The following POU6F2 variants were observed in gnomAD, a reference collection of about 807,000 sequenced individuals.
POU6F2 encodes POU domain, class 6, transcription factor 2.
In POU6F2, 31 loss-of-function variants were observed where a neutral mutation model predicts 71.3. The observed-to-expected ratio is 0.43, with a 90% CI of 0.33 to 0.59. The LOEUF is 0.59. POU6F2 is among the 20% of genes least tolerant of loss of function. POU6F2 has a pLI of 0.04. For missense variants in POU6F2, 783 were observed against 856.8 expected (o/e 0.91, Z 1.07); for synonymous variants, 347 against 355.7 (o/e 0.98, Z 0.27).
chr7:39,011,188 C>A (rs1789272819), intron 1 of POU6F2, among the ~76,000 whole-genome samples: 1 of 140,382 alleles, frequency 7.1e-6, no homozygotes, highest in Non-Finnish European at 1.6e-5. Context: ...TCAGGACTTG[C>A]TTTATGAATC....
intron 2 of POU6F2, among the ~76,000 whole-genome samples, chr7:39,139,088 C>T (rs1266344565): frequency 1.3e-5 from 2 of 152,244 alleles, no homozygotes; most frequent in Non-Finnish European, 2.9e-5. Flanking sequence ...AATTTTTGAA[C>T]CAGGGGCCCT....
At chr7:39,108,716 C>T (rs537397820) in intron 2 of POU6F2, among the ~76,000 whole-genome samples, 51 of 152,192 alleles carry the variant, frequency 3.4e-4, no homozygotes, top group African/African-American at 1.1e-3. Context: ...TAGTATCTAT[C>T]TACAGATTCT....
chr7:39,291,075 A>C (rs1418184496), intron 4 of POU6F2, among the ~76,000 whole-genome samples: 1 of 151,534 alleles, frequency 6.6e-6, no homozygotes, highest in African/African-American at 2.4e-5. Context: ...ATCATTGCTT[A>C]AGGTTTAAAC....
chr7:39,465,144 C>T lies in POU6F2; in HGVS notation c.*458C>T. On this transcript the variant is annotated 3_prime_UTR_variant, in exon 10 of 10. Transcript: ENST00000518318. ...TGATCTGTTCAAAGCGAATACAAGC[C>T]TGCCACCTGGAGGAAGGACTGCACC... 6.4e-6 allele frequency: 1 copy of T among 156,938 alleles called. No individual in the cohort carries two copies. Among genetic ancestry groups the T allele is most frequent in the Non-Finnish European group, 1.4e-5 (1 of 70,850 alleles). The allele number at this position is 156,938 out of a possible 1,614,324, so 9.7% of individuals were successfully genotyped here.
In POU6F2 at chr7:39,109,245, G is replaced by T. The variant is rs552009062; in HGVS notation, c.277+23214G>T. Among the ~76,000 whole-genome samples, 200 of 152,136 alleles carry T rather than the reference G, an allele frequency of 1.3e-3. 1 individual carries two copies. Among genetic ancestry groups the T allele is most frequent in the African/African-American group, 4.4e-3 (181 of 41,506 alleles). ...TTGTAGAGACTTTGCTATGTTGCCC[G>T]GGCTGGTCTTGAACTCCTGGGCTCA... On this transcript the variant is annotated intron_variant, in intron 2 of 9. Coordinates refer to ENST00000518318, the MANE Select transcript of POU6F2 (RefSeq NM_001370959.1).
In POU6F2 at chr7:39,466,703, C is replaced by T. The variant is rs1322860586; in HGVS notation, c.*2017C>T. 3 of 152,186 alleles carry T rather than the reference C, an allele frequency of 2.0e-5. No individual in the cohort carries two copies. The highest frequency in any genetic ancestry group is 2.9e-5 in the Non-Finnish European group (2 of 68,040). The allele number at this position is 152,186 out of a possible 1,614,324, so 9.4% of individuals were successfully genotyped here. On this transcript the variant is annotated 3_prime_UTR_variant, in exon 10 of 10. Transcript: ENST00000518318. ...CCCCTCCAATGATTCATGCAGCAAT[C>T]AAGAGACTACCAGCAAGGAAACTCT...
At chr7:39,370,931 CCTT>C (rs1329561039) in intron 5 of POU6F2, among the ~76,000 whole-genome samples, 12 of 152,164 alleles carry the variant, frequency 7.9e-5, no homozygotes, top group Non-Finnish European at 1.5e-4. Context: ...AAATACATCT[CCTT>C]CTCAATATGT....
intron 9 of POU6F2, among the ~76,000 whole-genome samples, chr7:39,461,283 G>T (rs1372664734): frequency 6.6e-6 from 1 of 152,068 alleles, no homozygotes; most frequent in Non-Finnish European, 1.5e-5. Flanking sequence ...CTCAGAAAAG[G>T]GTAGTGAGAA....
At chr7:39,180,637 G>A (rs1793418171) in intron 2 of POU6F2, among the ~76,000 whole-genome samples, 1 of 152,254 alleles carries the variant, frequency 6.6e-6, no homozygotes, top group Non-Finnish European at 1.5e-5. Flanking sequence ...CTGGCTTCAT[G>A]GCTGTGTGAT....
chr7:39,250,660 G>T (rs1329935043), intron 4 of POU6F2, among the ~76,000 whole-genome samples: 4 of 152,170 alleles, frequency 2.6e-5, no homozygotes, highest in Non-Finnish European at 2.9e-5. Context: ...CCATGGGGCT[G>T]ATAGCACCTT....
chr7:39,177,358 G>C (rs935054571), intron 2 of POU6F2, among the ~76,000 whole-genome samples: 18 of 152,172 alleles, frequency 1.2e-4, no homozygotes, highest in African/African-American at 4.3e-4. Flanking sequence ...ACCTGTGTTA[G>C]AGGAATTCTG....
intron 2 of POU6F2, among the ~76,000 whole-genome samples, chr7:39,149,742 A>G (rs2128733858): frequency 6.6e-6 from 1 of 152,190 alleles, no homozygotes; most frequent in South Asian, 2.1e-4. Flanking sequence ...CTTTATATAT[A>G]TGTGTGTGTA....
At chr7:39,337,957 G>A (rs1322050006) in intron 4 of POU6F2, among the ~76,000 whole-genome samples, 1 of 152,172 alleles carries the variant, frequency 6.6e-6, no homozygotes, top group Non-Finnish European at 1.5e-5. Context: ...CTACCCGTCT[G>A]CCAACATCTA....
At chr7:39,346,316 G>A (rs1046590218) in intron 5 of POU6F2, among the ~76,000 whole-genome samples, 1 of 152,150 alleles carries the variant, frequency 6.6e-6, no homozygotes, top group East Asian at 1.9e-4. Flanking sequence ...CATGTAGAAA[G>A]GGGTTTAACA....
chr7:39,089,301 T>G (rs1791316808), intron 2 of POU6F2, among the ~76,000 whole-genome samples: 1 of 152,216 alleles, frequency 6.6e-6, no homozygotes, highest in South Asian at 2.1e-4. Flanking sequence ...TATCTCCTTT[T>G]TCAGTTCATG....
rs760205418 is a variant in POU6F2, at chr7:39,406,625, A to AGGCTGCAGC, written c.1008_1016dup (p.Ala338_Ala340dup). The AGGCTGCAGC allele has an allele frequency of 6.8e-6, 11 of 1,613,374 alleles. No homozygotes were observed. The East Asian group carries it at 1.3e-4, about 20-fold the overall frequency. ...CTGGTTAATAATCCACTAGCAAGTC[A>AGGCTGCAGC]GGCTGCAGCGGCTGCAGCAGCCATG... On this transcript the variant is annotated inframe_insertion, in exon 6 of 10. Coordinates refer to ENST00000518318, the MANE Select transcript of POU6F2 (RefSeq NM_001370959.1).
Position 39,328,328 on chromosome 7 carries a change from A to G in POU6F2, c.599-11314A>G, listed in dbSNP as rs1246312829. ...GATCTCCCAAATAATTTTTTTGGCCATTGGACACTTGTTTTTCATGGAACA... is the reference window on the plus strand; with the variant it reads ...GATCTCCCAAATAATTTTTTTGGCCGTTGGACACTTGTTTTTCATGGAACA... On this transcript the variant is annotated intron_variant, in intron 4 of 9. Transcript: ENST00000518318. Among the ~76,000 whole-genome samples the G allele has an allele frequency of 2.6e-5, 4 of 152,226 alleles. No homozygotes were observed. The East Asian group carries it at 7.7e-4, about 29-fold the overall frequency.
intron 1 of POU6F2, among the ~76,000 whole-genome samples, chr7:39,076,916 A>C (rs1336785700): frequency 6.6e-6 from 1 of 152,198 alleles, no homozygotes; most frequent in Admixed American, 6.5e-5. Flanking sequence ...AGTCTCTGCT[A>C]GAGTTTTTAA....
intron 4 of POU6F2, among the ~76,000 whole-genome samples, chr7:39,212,132 A>G (rs1189629111): frequency 2.0e-5 from 3 of 152,162 alleles, no homozygotes; most frequent in Non-Finnish European, 4.4e-5. Context: ...CCAGACTGAG[A>G]TGTTCGTTTC....
Sources: allele counts gnomAD v4.1 joint callset (sites outside exome capture counted in the v4.1 genomes callset), GRCh38; gene constraint gnomAD v4.1.1; transcripts MANE v1.5; gene names NCBI Gene and HGNC (gene_info 2026-07-23, HGNC 2026-07-21).